The following TENM1 variants were observed in gnomAD, a reference collection of about 807,000 sequenced individuals.
The protein encoded by TENM1 is teneurin-1.
Under a neutral mutation model 174.8 loss-of-function variants are expected in TENM1, and 35 were observed. That is an observed-to-expected ratio of 0.20 (90% CI 0.15 to 0.27). The LOEUF (loss-of-function observed/expected upper bound fraction) is 0.27. TENM1 is among the 10% of genes least tolerant of loss of function. TENM1 has a pLI of 1.00. For synonymous variants in TENM1, 781 were observed against 798.7 expected (o/e 0.98, Z 0.37); for missense variants, 1,633 against 2,130.1 (o/e 0.77, Z 4.59).
chrX:124,902,070 G>A (rs1197835744), intron 1 of TENM1, among the ~76,000 whole-genome samples: 1 of 111,490 alleles, frequency 9.0e-6, no homozygotes, highest in Non-Finnish European at 1.9e-5. Flanking sequence ...AACATTTTGG[G>A]GGCTAGTTTT....
intron 11 of TENM1, among the ~76,000 whole-genome samples, chrX:124,583,284 C>T (rs903078277): frequency 9.0e-6 from 1 of 111,584 alleles, no homozygotes; most frequent in African/African-American, 3.3e-5. Flanking sequence ...GGAGGCACCC[C>T]CCAGTAGGGG....
the TENM1 span, among the ~76,000 whole-genome samples, chrX:125,059,586 G>A: frequency 9.0e-6 from 1 of 110,932 alleles, no homozygotes; most frequent in East Asian, 2.9e-4. Flanking sequence ...TACTCTGACC[G>A]ACATCTCCTC....
the TENM1 span, among the ~76,000 whole-genome samples, chrX:125,018,017 T>TA: frequency 1.8e-5 from 2 of 111,758 alleles, no homozygotes; most frequent in South Asian, 7.5e-4. Context: ...TAAAGTTTAA[T>TA]AAAAAAATTA....
chrX:124,594,661 T>C, intron 11 of TENM1, among the ~76,000 whole-genome samples: 1 of 112,219 alleles, frequency 8.9e-6, no homozygotes, highest in Non-Finnish European at 1.9e-5. Flanking sequence ...CTACTATCTA[T>C]GTGCATCCCA....
intron 23 of TENM1, among the ~76,000 whole-genome samples, chrX:124,447,008 C>T (rs371879651): frequency 8.9e-6 from 1 of 111,853 alleles, no homozygotes; most frequent in East Asian, 2.8e-4. Context: ...AGAAACAATG[C>T]ACTCTCATTT....
chrX:124,786,309 C>A (rs188564201), intron 3 of TENM1, among the ~76,000 whole-genome samples: 1 of 111,391 alleles, frequency 9.0e-6, no homozygotes, highest in African/African-American at 3.3e-5. Flanking sequence ...TGTGATCTGG[C>A]AAATGTATTA....
At chrX:125,155,920 C>T in the TENM1 span, among the ~76,000 whole-genome samples, 1 of 112,765 alleles carries the variant, frequency 8.9e-6, no homozygotes, top group African/African-American at 3.2e-5. Context: ...AGTGCAGCGG[C>T]GGGCTGAAGG....
chrX:124,902,397 T>G (rs753117047), intron 1 of TENM1, among the ~76,000 whole-genome samples: 1 of 112,265 alleles, frequency 8.9e-6, no homozygotes, highest in Admixed American at 9.5e-5. Context: ...CAACTTAAAA[T>G]GTAAAAAGCA....
the TENM1 span, among the ~76,000 whole-genome samples, chrX:125,061,028 C>G: frequency 1.8e-5 from 2 of 109,247 alleles, no homozygotes; most frequent in Non-Finnish European, 3.8e-5. Context: ...TACTTCCACA[C>G]TGGTACACCC....
At chrX:124,625,198 T>C (rs2050607521) in intron 11 of TENM1, among the ~76,000 whole-genome samples, 1 of 111,614 alleles carries the variant, frequency 9.0e-6, no homozygotes, top group East Asian at 2.8e-4. Context: ...ACTATAAAAA[T>C]GCATTTTTAT....
intron 18 of TENM1, among the ~76,000 whole-genome samples, chrX:124,512,137 G>C (rs1426403766): frequency 9.0e-6 from 1 of 111,589 alleles, no homozygotes; most frequent in Admixed American, 9.6e-5. Flanking sequence ...TATTGATAAT[G>C]TATGCAGACA....
In TENM1 at chrX:124,895,946, T is replaced by A. The variant is rs775699869; in HGVS notation, c.478+35A>T. On this transcript the variant is annotated intron_variant, in intron 2 of 31. Transcript: ENST00000422452. ...CAAAGGCTAAAAACTGCATTCTTTC[T>A]GTGTTTTACTTAAACAATTCAAGTA... 3.3e-6 allele frequency: 4 copies of A among 1,196,554 alleles called. No individual in the cohort carries two copies. The African/African-American group carries it at 7.0e-5, about 21-fold the overall frequency.
chrX:124,965,577 G>A (rs372254990), upstream of TENM1, among the ~76,000 whole-genome samples: 5 of 111,422 alleles, frequency 4.5e-5, no homozygotes, highest in Admixed American at 2.9e-4. Flanking sequence ...AGGCACACAC[G>A]TAGTAGAAAC....
intron 6 of TENM1, among the ~76,000 whole-genome samples, chrX:124,670,856 T>G (rs1229666071): frequency 2.7e-5 from 3 of 111,093 alleles, no homozygotes; most frequent in Non-Finnish European, 1.9e-5. Flanking sequence ...GAGGTAAGGT[T>G]TTGGTCATTC....
chrX:124,822,456 T>C (rs1221594378), intron 3 of TENM1, among the ~76,000 whole-genome samples: 1 of 112,199 alleles, frequency 8.9e-6, no homozygotes, highest in Non-Finnish European at 1.9e-5. Context: ...GTTGCATCCA[T>C]TCACTTGTGC....
the TENM1 span, among the ~76,000 whole-genome samples, chrX:125,077,009 CT>C: frequency 9.1e-6 from 1 of 110,314 alleles, no homozygotes; most frequent in Non-Finnish European, 1.9e-5. Flanking sequence ...CTTTCTGCTA[CT>C]TTTTTTCTTT....
chrX:124,720,552 T>G (rs908044568), intron 4 of TENM1, among the ~76,000 whole-genome samples: 1 of 111,919 alleles, frequency 8.9e-6, no homozygotes, highest in African/African-American at 3.3e-5. Flanking sequence ...CCAACCACCT[T>G]GGGCACATGT....
exon 22 of TENM1, chrX:124,481,913 T>C: frequency 1.7e-6 from 2 of 1,204,983 alleles, no homozygotes; most frequent in East Asian, 3.0e-5. Flanking sequence ...ATAGATAGAG[T>C]GATTCAGACA....
the TENM1 span, among the ~76,000 whole-genome samples, chrX:125,010,675 G>A: frequency 2.9e-4 from 32 of 109,062 alleles, no homozygotes; most frequent in Non-Finnish European, 3.0e-4. Flanking sequence ...TTAGCTGGGC[G>A]CGGTGGCGGG....
Sources: gnomAD v4.1 joint callset for allele counts (sites outside exome capture counted in the v4.1 genomes callset) on GRCh38, gnomAD v4.1.1 for gene constraint, MANE v1.5 for transcripts, NCBI Gene and HGNC (gene_info 2026-07-23, HGNC 2026-07-21) for gene names.